The following NRG3 variants were observed in gnomAD, a reference collection of about 807,000 sequenced individuals.
NRG3 encodes pro-neuregulin-3, membrane-bound isoform.
In NRG3, 31 loss-of-function variants were observed where a neutral mutation model predicts 66.9. That is an observed-to-expected ratio of 0.46 (90% CI 0.35 to 0.63). The LOEUF (loss-of-function observed/expected upper bound fraction) is 0.63. NRG3 is among the 20% of genes least tolerant of loss of function. NRG3 has a pLI of 0.00. For missense variants in NRG3, 910 were observed against 878.9 expected (o/e 1.04, Z -0.45); for synonymous variants, 393 against 359.4 (o/e 1.09, Z -1.06).
intron 1 of NRG3, among the ~76,000 whole-genome samples, chr10:81,890,154 G>C (rs1157078174): frequency 6.6e-6 from 1 of 152,112 alleles, no homozygotes; most frequent in Non-Finnish European, 1.5e-5. Context: ...CCTTCTGCCT[G>C]GTGCCTTCTG....
intron 2 of NRG3, among the ~76,000 whole-genome samples, chr10:82,483,884 T>G (rs562318262): frequency 1.1e-4 from 17 of 152,332 alleles, no homozygotes; most frequent in African/African-American, 3.6e-4. Flanking sequence ...AATCTGCCTT[T>G]TAACTCTTAT....
chr10:82,641,667 A>G (rs2050593102), intron 2 of NRG3, among the ~76,000 whole-genome samples: 1 of 152,192 alleles, frequency 6.6e-6, no homozygotes, highest in Non-Finnish European at 1.5e-5. Flanking sequence ...TTCAGGCAAT[A>G]ACATCAATGG....
chr10:82,574,317 T>C (rs996668076), intron 2 of NRG3, among the ~76,000 whole-genome samples: 1 of 151,748 alleles, frequency 6.6e-6, no homozygotes, highest in Admixed American at 6.6e-5. Context: ...CTCTCTCTTA[T>C]ATGTGGGAGC....
chr10:82,853,524 A>G lies in NRG3; in HGVS notation c.1028-11887A>G, dbSNP rs755581099. Among the ~76,000 whole-genome samples the G allele has an allele frequency of 3.9e-4, 60 of 152,124 alleles. No homozygotes were observed. The Middle Eastern group carries it at 0.014, about 34-fold the overall frequency. The stretch of plus-strand genomic sequence containing the variant: ...GTCTTTCATCTCCTTGGTTAGGTAT[A>G]TTCCTAAGTATTTTTTTATTTGTAT... On this transcript the variant is annotated intron_variant, in intron 3 of 8. Coordinates refer to ENST00000372141, the MANE Select transcript of NRG3 (RefSeq NM_001010848.4).
At chr10:82,031,766 C>T (rs1216837456) in intron 1 of NRG3, among the ~76,000 whole-genome samples, 1 of 152,100 alleles carries the variant, frequency 6.6e-6, no homozygotes, top group Non-Finnish European at 1.5e-5. Context: ...TTATTAATTT[C>T]TCATAGTGTC....
In NRG3 at chr10:82,255,065, C is replaced by T. The variant is rs111943759; in HGVS notation, c.824-103674C>T. Among the ~76,000 whole-genome samples, 540 of 152,250 alleles carry T rather than the reference C, an allele frequency of 3.5e-3. 3 individuals carry two copies. The highest frequency in any genetic ancestry group is 0.011 in the African/African-American group (468 of 41,554). Reference sequence around the variant, plus strand: ...ACTACCCCAGCCCGGTAATCAAGGTCAATACTCACAATCATAAGTGATGCT... The same window carrying T: ...ACTACCCCAGCCCGGTAATCAAGGTTAATACTCACAATCATAAGTGATGCT... On this transcript the variant is annotated intron_variant, in intron 1 of 8. Transcript: ENST00000372141.
At chr10:82,472,200 C>A (rs1428911788) in intron 2 of NRG3, among the ~76,000 whole-genome samples, 1 of 152,150 alleles carries the variant, frequency 6.6e-6, no homozygotes, top group African/African-American at 2.4e-5. Flanking sequence ...ATTAAACAGA[C>A]ATTTGGGTCC....
At chr10:82,175,721 A>G (rs555532507) in intron 1 of NRG3, among the ~76,000 whole-genome samples, 14 of 152,310 alleles carry the variant, frequency 9.2e-5, no homozygotes, top group African/African-American at 1.2e-4. Context: ...AATAGATCCT[A>G]TATCTTATCC....
chr10:82,536,424 G>A (rs972378281), intron 2 of NRG3, among the ~76,000 whole-genome samples: 13 of 152,168 alleles, frequency 8.5e-5, no homozygotes, highest in African/African-American at 3.1e-4. Flanking sequence ...TTAGGGGTCA[G>A]AATTTCTCTA....
chr10:82,028,587 G>C (rs1158108147), intron 1 of NRG3, among the ~76,000 whole-genome samples: 1 of 151,858 alleles, frequency 6.6e-6, no homozygotes, highest in Admixed American at 6.6e-5. Context: ...TGATAGAAAC[G>C]CTTTGGGCTT....
chr10:81,994,962 T>C (rs1445370265), intron 1 of NRG3, among the ~76,000 whole-genome samples: 1 of 152,186 alleles, frequency 6.6e-6, no homozygotes, highest in Non-Finnish European at 1.5e-5. Flanking sequence ...CTATGGTAAC[T>C]GCACTTGTTC....
intron 1 of NRG3, among the ~76,000 whole-genome samples, chr10:82,110,929 G>T (rs1249301365): frequency 6.6e-6 from 1 of 150,610 alleles, no homozygotes; most frequent in African/African-American, 2.4e-5. Flanking sequence ...ATAGAGAAAA[G>T]AAAAAAAAAG....
chr10:82,962,646 C>T (rs1324040807), intron 6 of NRG3, among the ~76,000 whole-genome samples: 1 of 152,086 alleles, frequency 6.6e-6, no homozygotes, highest in Non-Finnish European at 1.5e-5. Context: ...CAAGACCACC[C>T]TGGCCAACAT....
chr10:82,816,243 C>T (rs1345136861), intron 3 of NRG3, among the ~76,000 whole-genome samples: 1 of 152,192 alleles, frequency 6.6e-6, no homozygotes, highest in Admixed American at 6.5e-5. Context: ...TTGGCGTATC[C>T]CGAGTTCTTG....
chr10:82,676,056 A>C (rs2053659531), intron 2 of NRG3, among the ~76,000 whole-genome samples: 1 of 152,228 alleles, frequency 6.6e-6, no homozygotes, highest in East Asian at 1.9e-4. Context: ...AATAGAAACA[A>C]AATGTCTTTA....
intron 2 of NRG3, among the ~76,000 whole-genome samples, chr10:82,548,393 A>G (rs563771157): frequency 3.3e-5 from 5 of 152,242 alleles, no homozygotes; most frequent in African/African-American, 7.2e-5. Context: ...GTTCAATGGC[A>G]TAATAGATTA....
intron 2 of NRG3, among the ~76,000 whole-genome samples, chr10:82,645,167 A>G (rs1424849032): frequency 2.6e-5 from 4 of 152,162 alleles, no homozygotes; most frequent in African/African-American, 7.2e-5. Flanking sequence ...AGCTGGTATT[A>G]TATGATACCA....
At chr10:82,973,691 A>C (rs1212209590) in intron 6 of NRG3, 97 bp from the exon 7 acceptor site, 1 of 1,349,514 alleles carries the variant, frequency 7.4e-7, no homozygotes, top group Non-Finnish European at 1.1e-6. Flanking sequence ...ACCAGGAGGA[A>C]CTGGCATTCC....
chr10:82,125,558 CA>C (rs1252933548), intron 1 of NRG3, among the ~76,000 whole-genome samples: 2 of 151,966 alleles, frequency 1.3e-5, no homozygotes, highest in Non-Finnish European at 1.5e-5. Flanking sequence ...AGATCTTAGG[CA>C]AGTGTTCTTC....
Sources: allele counts gnomAD v4.1 joint callset (sites outside exome capture counted in the v4.1 genomes callset), GRCh38; gene constraint gnomAD v4.1.1; transcripts MANE v1.5; gene names NCBI Gene and HGNC (gene_info 2026-07-23, HGNC 2026-07-21).